Variants in ZFHX3 observed in about 807,000 individuals in gnomAD.
ZFHX3 encodes the protein zinc finger homeobox 3.
ZFHX3 carries 42 observed loss-of-function variants against 279.1 expected under a neutral mutation model. The observed-to-expected ratio is 0.15, with a 90% CI of 0.12 to 0.19. The LOEUF is 0.19. Ranked by LOEUF, ZFHX3 falls within the 10% of genes least tolerant of loss-of-function variation. ZFHX3 has a pLI of 1.00. For missense variants in ZFHX3, 4,981 were observed against 4,754.0 expected (o/e 1.05, Z -1.40); for synonymous variants, 2,293 against 1,957.8 (o/e 1.17, Z -4.52).
At chr16:72,948,355 G>A (rs191187673) in intron 3 of ZFHX3, among the ~76,000 whole-genome samples, 53 of 152,138 alleles carry the variant, frequency 3.5e-4, no homozygotes, top group African/African-American at 1.2e-3. Flanking sequence ...TTCTACCCAC[G>A]CCATCTTTTT....
At chr16:73,712,230 A>C in intron 1 of ZFHX3, among the ~76,000 whole-genome samples, 2 of 152,144 alleles carry the variant, frequency 1.3e-5, no homozygotes, top group East Asian at 1.9e-4. Context: ...GTTTTAAAAA[A>C]AAACGAAGGC....
At chr16:73,340,946 ACAT>A (rs1245694686) in intron 3 of ZFHX3, among the ~76,000 whole-genome samples, 2 of 152,362 alleles carry the variant, frequency 1.3e-5, no homozygotes, top group East Asian at 1.9e-4. Flanking sequence ...CATGAAAAAA[ACAT>A]CATAAGCAAA....
chr16:72,910,860 T>C lies in ZFHX3; in HGVS notation c.3217-20898A>G, dbSNP rs75070804. 7.4e-3 allele frequency among the ~76,000 whole-genome samples: 1,121 copies of C among 152,214 alleles called. 6 individuals are homozygous for C. Among genetic ancestry groups the C allele is most frequent in the Non-Finnish European group, 0.012 (821 of 68,000 alleles). Reference sequence around the variant, plus strand: ...ACATTCCCTCATGTCAGCAATTACCTAGAAAAGATGGTGCAGGAGCCCTCC... The same window carrying C: ...ACATTCCCTCATGTCAGCAATTACCCAGAAAAGATGGTGCAGGAGCCCTCC... On this transcript the variant is annotated intron_variant, in intron 3 of 9. Transcript: ENST00000268489.
chr16:72,936,462 G>T (rs1056330100), intron 3 of ZFHX3, among the ~76,000 whole-genome samples: 2 of 152,338 alleles, frequency 1.3e-5, no homozygotes, highest in East Asian at 1.9e-4. Context: ...GTTATCTTGA[G>T]TGAAGTGATG....
intron 5 of ZFHX3, among the ~76,000 whole-genome samples, chr16:73,190,070 AG>A (rs1315346228): frequency 1.3e-5 from 2 of 152,190 alleles, no homozygotes; most frequent in Non-Finnish European, 2.9e-5. Flanking sequence ...GAGCCTCCCT[AG>A]GAAGAAGTCT....
chr16:72,837,198 T>TA (rs1164085358), intron 4 of ZFHX3, among the ~76,000 whole-genome samples: 1 of 152,180 alleles, frequency 6.6e-6, no homozygotes, highest in Non-Finnish European at 1.5e-5. Flanking sequence ...CTCACCCACT[T>TA]AATCTCTCTG....
At chr16:73,426,431 C>T (rs1454581644) in intron 3 of ZFHX3, among the ~76,000 whole-genome samples, 1 of 152,134 alleles carries the variant, frequency 6.6e-6, no homozygotes, top group Non-Finnish European at 1.5e-5. Context: ...GGTGGCTATC[C>T]TGTTTGGCCT....
At chr16:73,785,825 C>T (rs1959625424) in intron 1 of ZFHX3, among the ~76,000 whole-genome samples, 2 of 152,106 alleles carry the variant, frequency 1.3e-5, no homozygotes, top group Non-Finnish European at 2.9e-5. Flanking sequence ...GAAATTTCTG[C>T]CATATTCATT....
intron 3 of ZFHX3, among the ~76,000 whole-genome samples, chr16:72,905,307 C>A (rs2039141555): frequency 6.6e-6 from 1 of 152,112 alleles, no homozygotes; most frequent in South Asian, 2.1e-4. Context: ...TGGCTTTATT[C>A]AGTGACTTGA....
intron 2 of ZFHX3, among the ~76,000 whole-genome samples, chr16:73,566,767 C>T (rs825703): frequency 1.3e-5 from 2 of 149,978 alleles, no homozygotes; most frequent in African/African-American, 4.9e-5. Flanking sequence ...GGCGCGATCT[C>T]GGCTCACTGC....
At chr16:72,826,549 G>A (rs1287579366) in intron 5 of ZFHX3, among the ~76,000 whole-genome samples, 1 of 152,066 alleles carries the variant, frequency 6.6e-6, no homozygotes, top group Non-Finnish European at 1.5e-5. Flanking sequence ...CTCAGAGGAG[G>A]TTGCTGGCAC....
intron 2 of ZFHX3, among the ~76,000 whole-genome samples, chr16:73,594,320 A>G (rs772468827): frequency 6.6e-6 from 1 of 152,240 alleles, no homozygotes; most frequent in Non-Finnish European, 1.5e-5. Flanking sequence ...AAAGATCTAC[A>G]TAGAGAACCA....
rs959857070 is a variant in ZFHX3 at position 73,586,816 on chromosome 16, T to C, written c.-1547+93364A>G. 5.3e-5 allele frequency among the ~76,000 whole-genome samples: 8 copies of C among 152,282 alleles called. No individual in the cohort carries two copies. In the South Asian group the frequency reaches 1.7e-3, roughly 32 times the overall value. On this transcript the variant is annotated intron_variant, in intron 2 of 17. Transcript: ENST00000641206. ...TTTTACCACATGAAATAGTTAGTAT[T>C]AGATGACTTAAAAATTGTCTGAGGT...
At chr16:73,624,495 G>C (rs1191925226) in intron 2 of ZFHX3, among the ~76,000 whole-genome samples, 1 of 151,998 alleles carries the variant, frequency 6.6e-6, no homozygotes, top group African/African-American at 2.4e-5. Context: ...AGAAAGAAAG[G>C]CTTTGAGAGA....
chr16:73,792,993 A>G (rs1033759236), intron 1 of ZFHX3, among the ~76,000 whole-genome samples: 4 of 152,132 alleles, frequency 2.6e-5, no homozygotes, highest in Non-Finnish European at 5.9e-5. Context: ...CACAAGCGGC[A>G]TTATCTGAGA....
At chr16:72,919,679 C>G (rs534509345) in intron 3 of ZFHX3, among the ~76,000 whole-genome samples, 1 of 149,618 alleles carries the variant, frequency 6.7e-6, no homozygotes, top group African/African-American at 2.5e-5. Flanking sequence ...CTAAAATATA[C>G]CTCCAATTTT....
chr16:73,804,286 G>C (rs1960215708), intron 1 of ZFHX3, among the ~76,000 whole-genome samples: 1 of 152,202 alleles, frequency 6.6e-6, no homozygotes, highest in Non-Finnish European at 1.5e-5. Context: ...CAATTAAGAT[G>C]TGATAAAACA....
chr16:72,909,397 G>A (rs1419646593), intron 3 of ZFHX3, among the ~76,000 whole-genome samples: 2 of 152,154 alleles, frequency 1.3e-5, no homozygotes, highest in African/African-American at 4.8e-5. Context: ...ATGGCTGGCT[G>A]TATTCCCTCC....
intron 3 of ZFHX3, among the ~76,000 whole-genome samples, chr16:73,353,872 A>G (rs1459296620): frequency 6.6e-6 from 1 of 152,238 alleles, no homozygotes; most frequent in Admixed American, 6.5e-5. Flanking sequence ...AATAGTGTTC[A>G]TGATAACGAC....
Sources: allele counts gnomAD v4.1 joint callset (sites outside exome capture counted in the v4.1 genomes callset), GRCh38; gene constraint gnomAD v4.1.1; transcripts MANE v1.5; gene names NCBI Gene and HGNC (gene_info 2026-07-23, HGNC 2026-07-21).